Variants in ITIH6 observed in about 807,000 individuals in gnomAD.
ITIH6 encodes inter-alpha-trypsin inhibitor heavy chain family member 6.
In ITIH6, 60 loss-of-function variants were observed where a neutral mutation model predicts 58.2. The observed-to-expected ratio is 1.03, with a 90% confidence interval of 0.84 to 1.28. ITIH6 has a LOEUF of 1.28. Among genes scored for constraint, ITIH6 ranks in the 50% most tolerant of loss-of-function variants. ITIH6 has a pLI of 0.00. For missense variants in ITIH6, 1,290 were observed against 1,021.1 expected (o/e 1.26, Z -3.59); for synonymous variants, 493 against 417.4 (o/e 1.18, Z -2.21).
intron 4 of ITIH6, among the ~76,000 whole-genome samples, chrX:54,789,615 T>A (rs1339612711): frequency 1.4e-4 from 16 of 112,460 alleles, no homozygotes; most frequent in Non-Finnish European, 2.6e-4. Context: ...TGGGTCCAGG[T>A]TCCAGCTGCT....
chrX:54,757,690 C>G lies in ITIH6; in HGVS notation c.2384G>C (p.Gly795Ala), dbSNP rs200731357. ...KPGAPSHPQLGALTSQAPKGL... is the reference protein window; with the variant it reads ...KPGAPSHPQLAALTSQAPKGL... ...TTTAGGTGCCTGTGATGTGAGTGCC[C>G]CAAGTTGGGGGTGCGATGGAGCACC... is the stretch of plus-strand genomic sequence containing the variant. Residue 795 changes from glycine to alanine, a missense_variant, in exon 8 of 13, where the codon GGG becomes GCG. By Grantham distance (60) the Gly-to-Ala change is moderately conservative. Transcript: ENST00000218436. 8.3e-7 allele frequency: 1 copy of G among 1,208,535 alleles called. No homozygotes were observed. The highest frequency in any genetic ancestry group is 2.2e-5 in the Admixed American group (1 of 45,606).
intron 6 of ITIH6, among the ~76,000 whole-genome samples, chrX:54,767,397 C>A (rs1303749368): frequency 1.9e-5 from 2 of 105,814 alleles, no homozygotes; most frequent in Non-Finnish European, 3.8e-5. Context: ...TCCTTCAGTT[C>A]TGCTCTGATT....
intron 6 of ITIH6, among the ~76,000 whole-genome samples, chrX:54,765,445 T>G (rs1198097953): frequency 1.4e-4 from 14 of 101,736 alleles, no homozygotes; most frequent in Non-Finnish European, 2.8e-4. Flanking sequence ...GTATAAGGTG[T>G]AAGGAAGGGA....
chrX:54,792,135 G>T, intron 2 of ITIH6, 99 bp from the exon 3 acceptor site: 1 of 559,464 alleles, frequency 1.8e-6, no homozygotes. Flanking sequence ...GAGGAGGGTA[G>T]AGATAGGGAA....
At position 54,795,508 on chromosome X, in the gene ITIH6, C is replaced by T. The variant is rs1250135118; in HGVS notation, c.257+1434G>A. ...AAGGAGGTGCTCTAACATTGAAAGT[C>T]CTCCACAGCCTAGTCTTTCTCTGCC... is the stretch of plus-strand genomic sequence containing the variant. On this transcript the variant is annotated intron_variant, in intron 2 of 12. Coordinates refer to ENST00000218436, the MANE Select transcript of ITIH6 (RefSeq NM_198510.3). 5.4e-5 allele frequency among the ~76,000 whole-genome samples: 6 copies of T among 111,616 alleles called. No individual in the cohort carries two copies. In the East Asian group the frequency reaches 1.7e-3, roughly 32 times the overall value.
Position 54,765,532 on chromosome X carries a change from G to T in ITIH6, c.904-5605C>A, listed in dbSNP as rs1278018638. ...TTAAATAGGGAATCATTTCCCCATT[G>T]CTTATTTTTCTCAGGTTTGTCAAAG... On this transcript the variant is annotated intron_variant, in intron 6 of 12. Coordinates refer to ENST00000218436, the MANE Select transcript of ITIH6 (RefSeq NM_198510.3). Among the ~76,000 whole-genome samples the T allele has an allele frequency of 4.6e-5, 5 of 109,441 alleles. No individual in the cohort carries two copies. In the East Asian group the frequency reaches 1.1e-3, roughly 25 times the overall value.
chrX:54,796,843 G>A (rs1486562379), intron 2 of ITIH6, 99 bp downstream of exon 2: 1 of 850,454 alleles, frequency 1.2e-6, no homozygotes, highest in Non-Finnish European at 1.7e-6. Flanking sequence ...ATCTCAGAGT[G>A]CATTGTCTTA....
chrX:54,780,777 TA>T (rs1197508416), intron 5 of ITIH6, among the ~76,000 whole-genome samples: 1 of 109,737 alleles, frequency 9.1e-6, no homozygotes, highest in African/African-American at 3.3e-5. Flanking sequence ...CCCGACTAGT[TA>T]AAAAAAGAGA....
Position 54,757,251 on chromosome X carries a change from C to T in ITIH6, c.2823G>A (p.Trp941Ter), listed in dbSNP as rs781339733. ...GACCCGGGAGGAGGTCATACTGATGCCAGAACCTTCCAGGGGGCAGAGTGG... is the reference window on the plus strand; with the variant it reads ...GACCCGGGAGGAGGTCATACTGATGTCAGAACCTTCCAGGGGGCAGAGTGG... ...FTPTLPPGRF[W>*]HQYDLLPGPQ... The change falls in exon 8 of 13, where the codon TGG (tryptophan) becomes TGA (stop). Residue 941 changes from tryptophan (W) to a stop codon, truncating the protein, a stop_gained. Coordinates refer to ENST00000218436, the MANE Select transcript of ITIH6 (RefSeq NM_198510.3). LOFTEE classifies it high-confidence loss of function. 1.7e-6 allele frequency: 2 copies of T among 1,190,119 alleles called. No individual in the cohort carries two copies. Among genetic ancestry groups the T allele is most frequent in the East Asian group, 3.0e-5 (1 of 33,627 alleles).
intron 5 of ITIH6, among the ~76,000 whole-genome samples, chrX:54,785,311 G>A (rs182814135): frequency 1.8e-5 from 2 of 110,949 alleles, no homozygotes; most frequent in African/African-American, 6.6e-5. Context: ...TAGCAAGACA[G>A]GGTGACTATA....
intron 5 of ITIH6, among the ~76,000 whole-genome samples, chrX:54,785,399 G>A (rs572815832): frequency 2.7e-5 from 3 of 111,704 alleles, no homozygotes; most frequent in African/African-American, 9.8e-5. Context: ...AGGGATACAT[G>A]CTTGAGGGAA....
Position 54,797,058 on chromosome X carries a change from C to T in ITIH6, c.141G>A (p.Val47=), listed in dbSNP as rs753149065. 5.8e-6 allele frequency: 7 copies of T among 1,210,681 alleles called. No homozygotes were observed. The South Asian group carries it at 1.2e-4, about 21-fold the overall frequency. Residue 47 remains valine (V), a synonymous_variant, in exon 2 of 13, where the codon GTG becomes GTA. Transcript: ENST00000218436. ...MTSYSMRSTV[V]SRYAHTLVTS... is the part of the protein sequence containing the mutation. ...TGACCAAGGTGTGGGCATAGCGAGA[C>T]ACCACCGTGGAGCGCATAGAATAGC... is the stretch of plus-strand genomic sequence containing the variant.
chrX:54,758,157 G>A lies in ITIH6; in HGVS notation c.1917C>T (p.Ser639=). 3.3e-6 allele frequency: 4 copies of A among 1,211,137 alleles called. No homozygotes were observed. Among genetic ancestry groups the A allele is most frequent in the Non-Finnish European group, 4.5e-6 (4 of 894,836 alleles). Residue 639 remains serine, a synonymous_variant, in exon 8 of 13, where the codon AGC becomes AGT. Coordinates refer to ENST00000218436, the MANE Select transcript of ITIH6 (RefSeq NM_198510.3). ...GPDTIMPSSS[S]RHGLGVSTAQ... is the part of the protein sequence containing the mutation. ...CTGTGCTTACCCCTAGGCCATGCCT[G>A]CTGCTGGATGAGGGCATGATGGTGT...
rs746974758 is a variant in ITIH6, at chrX:54,774,647, TCTC to T, written c.787-453_787-451del. Among the ~76,000 whole-genome samples the T allele has an allele frequency of 5.9e-3, 661 of 112,774 alleles. 4 individuals are homozygous for T. Among genetic ancestry groups the T allele is most frequent in the Non-Finnish European group, 8.9e-3 (476 of 53,260 alleles). ...GGGGCTGGGAGTTGCAGGGCCTCCC[TCTC>T]CTCCTAAAACCTCCTTTCTGCTGTT... On this transcript the variant is annotated intron_variant, in intron 5 of 12. Coordinates refer to ENST00000218436, the MANE Select transcript of ITIH6 (RefSeq NM_198510.3).
intron 6 of ITIH6, among the ~76,000 whole-genome samples, chrX:54,763,464 G>A (rs936146586): frequency 1.8e-5 from 2 of 112,062 alleles, no homozygotes; most frequent in African/African-American, 6.5e-5. Context: ...AGATTTCCCA[G>A]CTATCTTTCT....
intron 5 of ITIH6, among the ~76,000 whole-genome samples, chrX:54,785,230 G>T (rs752653605): frequency 1.7e-3 from 181 of 109,581 alleles, no homozygotes; most frequent in Middle Eastern, 4.7e-3. Flanking sequence ...GGAGATGGGG[G>T]GTGGGGAAGG....
chrX:54,763,477 A>G (rs1240230569), intron 6 of ITIH6, among the ~76,000 whole-genome samples: 1 of 112,122 alleles, frequency 8.9e-6, no homozygotes, highest in Admixed American at 9.5e-5. Flanking sequence ...ATCTTTCTGT[A>G]ATTGAATTCT....
chrX:54,798,171 G>A lies in ITIH6; in HGVS notation c.40C>T (p.Leu14=). 1 of 1,186,275 alleles carries A rather than the reference G, an allele frequency of 8.4e-7. No homozygotes were observed. Among genetic ancestry groups the A allele is most frequent in the East Asian group, 3.1e-5 (1 of 32,237 alleles). ...WRYLICVSFL[L]TILLELTYQG... is the part of the protein sequence containing the mutation. The stretch of plus-strand genomic sequence containing the variant: ...TATGTCAGTTCAAGAAGAATGGTCA[G>A]CAAAAAGCTGACACAGATGAGGTAC... Residue 14 remains leucine (L), a synonymous_variant, in exon 1 of 13, where the codon CTG becomes TTG. Coordinates refer to ENST00000218436, the MANE Select transcript of ITIH6 (RefSeq NM_198510.3).
chrX:54,763,868 T>C (rs781569635), intron 6 of ITIH6, among the ~76,000 whole-genome samples: 1 of 112,336 alleles, frequency 8.9e-6, no homozygotes, highest in Non-Finnish European at 1.9e-5. Flanking sequence ...TGCATGCACA[T>C]TAAGGATTGT....
Sources: gnomAD v4.1 joint callset for allele counts (sites outside exome capture counted in the v4.1 genomes callset) on GRCh38, gnomAD v4.1.1 for gene constraint, MANE v1.5 for transcripts, NCBI Gene and HGNC (gene_info 2026-07-23, HGNC 2026-07-21) for gene names.